The following CAAP1 variants were observed in gnomAD, a reference collection of about 807,000 sequenced individuals.
CAAP1 encodes caspase activity and apoptosis inhibitor 1, also known as conserved anti-apoptotic protein.
A neutral mutation model predicts 34.0 loss-of-function variants in CAAP1; 20 were observed. The observed-to-expected ratio is 0.59, with a 90% CI of 0.41 to 0.86. The LOEUF (loss-of-function observed/expected upper bound fraction) is 0.86. Among genes scored for constraint, CAAP1 ranks in the 40% least tolerant of loss-of-function variants. The pLI is 0.00. For synonymous variants in CAAP1, 213 were observed against 166.7 expected (o/e 1.28, Z -2.14); for missense variants, 538 against 450.5 (o/e 1.19, Z -1.76).
chr9:26,881,252 G>A (rs1326761084), intron 4 of CAAP1, among the ~76,000 whole-genome samples: 1 of 152,182 alleles, frequency 6.6e-6, no homozygotes, highest in African/African-American at 2.4e-5. Context: ...GGTATTACAG[G>A]TGTGAACCAC....
intron 4 of CAAP1, among the ~76,000 whole-genome samples, chr9:26,868,227 G>C (rs907895585): frequency 2.4e-4 from 34 of 140,802 alleles, no homozygotes; most frequent in African/African-American, 8.4e-4. Flanking sequence ...AAAACTTTGT[G>C]ATTGTGATTA....
intron 1 of CAAP1, among the ~76,000 whole-genome samples, chr9:26,888,751 T>C (rs565062748): frequency 2.0e-4 from 30 of 152,334 alleles, no homozygotes; most frequent in African/African-American, 6.7e-4. Flanking sequence ...GCTAGATATA[T>C]ACCCAAGAGA....
At chr9:26,892,375 A>G (rs1474825259) in intron 1 of CAAP1, 38 bp downstream of exon 1, 7 of 1,598,948 alleles carry the variant, frequency 4.4e-6, no homozygotes, top group African/African-American at 2.7e-5. Context: ...CCGAAAAAGC[A>G]GCAGCTCCAG....
At position 26,892,473 on chromosome 9, in the gene CAAP1, G is replaced by GCGCTCCACGCTGCTCCCGCCC. The variant is rs1823930880; in HGVS notation, c.222_242dup (p.Gly75_Arg81dup). The GCGCTCCACGCTGCTCCCGCCC allele has an allele frequency of 7.0e-6, 11 of 1,563,642 alleles. No homozygotes were observed. The Admixed American group carries it at 2.1e-4, about 29-fold the overall frequency. On this transcript the variant is annotated inframe_insertion, in exon 1 of 6. Transcript: ENST00000333916. ...TACTCCTCCGCTTCCGGCGCTCGCT[G>GCGCTCCACGCTGCTCCCGCCC]CGCTCCACGCTGCTCCCGCCCCAAC...
chr9:26,886,097 T>A lies in CAAP1; in HGVS notation c.589+7A>T. 2 of 1,481,548 alleles carry A rather than the reference T, an allele frequency of 1.3e-6. No homozygotes were observed. The highest frequency in any genetic ancestry group is 1.8e-6 in the Non-Finnish European group (2 of 1,093,194). 91.8% of individuals were successfully genotyped at this position (1,481,548 alleles called of 1,614,324 possible). On this transcript the variant is annotated splice_region_variant and intron_variant, in intron 3 of 5. Transcript: ENST00000333916. ...AGTTGCCAGAATGTAAAAATATGTATTCTTACCCTCAAGAATCTTCAAAAT... is the reference window on the plus strand; with the variant it reads ...AGTTGCCAGAATGTAAAAATATGTAATCTTACCCTCAAGAATCTTCAAAAT...
chr9:26,865,600 A>C (rs943461115), intron 4 of CAAP1, among the ~76,000 whole-genome samples: 3 of 152,222 alleles, frequency 2.0e-5, no homozygotes, highest in African/African-American at 7.2e-5. Context: ...CCCAATACTC[A>C]TCAGTATAAA....
At chr9:26,890,823 C>T (rs1378672580) in intron 1 of CAAP1, among the ~76,000 whole-genome samples, 8 of 151,860 alleles carry the variant, frequency 5.3e-5, no homozygotes, top group Admixed American at 2.0e-4. Context: ...CGGGCGCCTG[C>T]AGTCCCAGCT....
intron 5 of CAAP1, among the ~76,000 whole-genome samples, chr9:26,857,124 C>T (rs929644939): frequency 2.6e-5 from 4 of 152,154 alleles, no homozygotes; most frequent in Non-Finnish European, 5.9e-5. Context: ...CTGACCAATT[C>T]AGAAAATTTA....
intron 5 of CAAP1, among the ~76,000 whole-genome samples, chr9:26,854,531 G>A (rs564457926): frequency 1.3e-5 from 2 of 152,208 alleles, no homozygotes; most frequent in South Asian, 4.1e-4. Flanking sequence ...TATTTACAAA[G>A]TCTCACCTGA....
chr9:26,877,427 C>T (rs369699543), intron 4 of CAAP1, among the ~76,000 whole-genome samples: 244 of 152,298 alleles, frequency 1.6e-3, no homozygotes, highest in African/African-American at 5.6e-3. Flanking sequence ...ATACATCTCT[C>T]AGTGCAATTC....
intron 5 of CAAP1, among the ~76,000 whole-genome samples, chr9:26,854,854 C>T (rs1258360839): frequency 6.6e-6 from 1 of 152,126 alleles, no homozygotes; most frequent in Admixed American, 6.6e-5. Context: ...ACTTATATGC[C>T]TATTAGAATG....
intron 2 of CAAP1, among the ~76,000 whole-genome samples, chr9:26,886,936 C>A (rs1823755945): frequency 6.6e-6 from 1 of 152,172 alleles, no homozygotes; most frequent in South Asian, 2.1e-4. Context: ...TGCATTAACG[C>A]CAGGCACGGT....
Position 26,842,457 on chromosome 9 carries a change from C to T in CAAP1, c.930G>A (p.Glu310=). 1.2e-6 allele frequency: 2 copies of T among 1,614,156 alleles called. No individual in the cohort carries two copies. Among genetic ancestry groups the T allele is most frequent in the Non-Finnish European group, 1.7e-6 (2 of 1,180,028 alleles). The part of the protein sequence containing the change: ...KSVNEILGLA[E]SSPNEPKAAT... The stretch of plus-strand genomic sequence containing the variant: ...CTGCTTTGGGTTCGTTTGGGCTAGA[C>T]TCTGCCAGTCCTAGAATCTCATTCA... The change falls in exon 6 of 6, where the codon GAG becomes GAA. Residue 310 remains glutamate, a synonymous_variant. Transcript: ENST00000333916.
intron 3 of CAAP1, 107 bp downstream of exon 3, chr9:26,885,997 C>T: frequency 2.1e-6 from 1 of 485,650 alleles, no homozygotes; most frequent in Non-Finnish European, 3.6e-6. Context: ...CAACAACAAC[C>T]CAATAATGAA....
chr9:26,853,375 G>C (rs931482717), intron 5 of CAAP1, among the ~76,000 whole-genome samples: 12 of 152,190 alleles, frequency 7.9e-5, no homozygotes, highest in Admixed American at 6.5e-5. Flanking sequence ...AATTTATTCA[G>C]GCACATGCTA....
intron 4 of CAAP1, among the ~76,000 whole-genome samples, 182 bp from the exon 5 acceptor site, chr9:26,861,321 G>A (rs1423919284): frequency 1.3e-5 from 2 of 152,170 alleles, no homozygotes; most frequent in Admixed American, 6.5e-5. Context: ...AGAAGCAGCA[G>A]CTACAAACTA....
At chr9:26,884,951 T>C (rs1392818911) in intron 3 of CAAP1, 66 bp from the exon 4 acceptor site, 2 of 1,178,934 alleles carry the variant, frequency 1.7e-6, no homozygotes, top group Non-Finnish European at 2.5e-6. Context: ...AATCATGACA[T>C]TAAAAAGTAT....
Position 26,892,693 on chromosome 9 carries a change from C to T in CAAP1, c.23G>A (p.Arg8Gln), listed in dbSNP as rs181288918. 8 of 1,600,670 alleles carry T rather than the reference C, an allele frequency of 5.0e-6. No individual in the cohort carries two copies. In the Admixed American group the frequency reaches 6.7e-5, roughly 13 times the overall value. MTGKKSS[R>Q]EKRRKRSSQE... ...ACTGCTACGTTTGCGCCGTTTCTCC[C>T]GGGAGGACTTTTTCCCCGTCATGAT... The change falls in exon 1 of 6, where the codon CGG (arginine) becomes CAG (glutamine). Residue 8 changes from arginine (R) to glutamine (Q), a missense_variant. By Grantham distance (43) the Arg-to-Gln change is conservative. This residue lies in a region of CAAP1 where 514 missense variants were observed against 408.4 expected (regional missense o/e 1.26). Coordinates refer to ENST00000333916, the MANE Select transcript of CAAP1 (RefSeq NM_024828.4).
intron 5 of CAAP1, among the ~76,000 whole-genome samples, chr9:26,855,866 A>G (rs1017508144): frequency 2.0e-5 from 3 of 152,348 alleles, no homozygotes; most frequent in Middle Eastern, 3.4e-3. Flanking sequence ...GAAGGTTTAC[A>G]CTATGTGACC....
Sources: allele counts gnomAD v4.1 joint callset (sites outside exome capture counted in the v4.1 genomes callset), GRCh38; gene constraint gnomAD v4.1.1; regional missense constraint gnomAD v4.1.1; transcripts MANE v1.5; gene names NCBI Gene and HGNC (gene_info 2026-07-23, HGNC 2026-07-21).